OPCML: variants seen among roughly 807,000 people sequenced by gnomAD.
OPCML encodes the protein opioid binding protein/cell adhesion molecule like.
OPCML carries 13 observed loss-of-function variants against 37.8 expected under a neutral mutation model. That is an observed-to-expected ratio of 0.34 (90% CI 0.22 to 0.55). The LOEUF (loss-of-function observed/expected upper bound fraction) is 0.55, where lower values mean the gene tolerates loss of function less well. Ranked by LOEUF, OPCML falls within the 20% of genes least tolerant of loss-of-function variation. The pLI, the probability that OPCML is intolerant of heterozygous loss-of-function variation, is 0.91. For synonymous variants in OPCML, 176 were observed against 168.8 expected, an observed-to-expected ratio of 1.04 and a Z score of -0.33; for missense variants, 341 against 435.6, an observed-to-expected ratio of 0.78 and a Z score of 1.93.
chr11:133,011,312 G>A (rs141806702), intron 1 of OPCML, among the ~76,000 whole-genome samples: 2 of 152,322 alleles, frequency 1.3e-5, no homozygotes, highest in African/African-American at 4.8e-5. Flanking sequence ...CTTAGTCACA[G>A]TTATTCAGAA....
chr11:133,358,662 G>A (rs1437079064), intron 1 of OPCML, among the ~76,000 whole-genome samples: 4 of 152,188 alleles, frequency 2.6e-5, no homozygotes, highest in Non-Finnish European at 5.9e-5. Context: ...AATTGAGAGA[G>A]GTACAAATTG....
In OPCML at chr11:132,568,123, T is replaced by C. The variant is rs556969239; in HGVS notation, c.380-38937A>G. ...TTCCTATTAAGCACCAAAACGTATG[T>C]CATGGGTGTGCAAATACCAAGACAT... On this transcript the variant is annotated intron_variant, in intron 3 of 7. Transcript: ENST00000524381. Among the ~76,000 whole-genome samples, 5 of 152,102 alleles carry C rather than the reference T, an allele frequency of 3.3e-5. No homozygotes were observed. In the South Asian group the frequency reaches 1.0e-3, roughly 32 times the overall value.
chr11:133,310,194 T>C (rs566580155), intron 1 of OPCML, among the ~76,000 whole-genome samples: 11 of 152,210 alleles, frequency 7.2e-5, no homozygotes, highest in Non-Finnish European at 1.2e-4. Context: ...AAAAGGGGTA[T>C]GGCTTACTCA....
At chr11:132,826,481 G>A (rs999306273) in intron 2 of OPCML, among the ~76,000 whole-genome samples, 1 of 152,036 alleles carries the variant, frequency 6.6e-6, no homozygotes, top group Admixed American at 6.6e-5. Context: ...GATGCAAAGG[G>A]GCAGAGGTGA....
At chr11:133,049,363 C>T (rs979965808) in intron 1 of OPCML, among the ~76,000 whole-genome samples, 5 of 152,136 alleles carry the variant, frequency 3.3e-5, no homozygotes, top group Non-Finnish European at 5.9e-5. Flanking sequence ...TCTCTTATCG[C>T]GGGCAGCCTG....
At chr11:132,963,267 A>G (rs1946131677) in intron 1 of OPCML, among the ~76,000 whole-genome samples, 1 of 151,886 alleles carries the variant, frequency 6.6e-6, no homozygotes, top group Non-Finnish European at 1.5e-5. Context: ...CCTTGAACAC[A>G]ACAATCACTA....
At chr11:133,025,001 A>G in intron 1 of OPCML, 1 of 985,414 alleles carries the variant, frequency 1.0e-6, no homozygotes, top group Non-Finnish European at 1.2e-6. Flanking sequence ...GATAATTCTG[A>G]CACAGGAAGT....
At chr11:133,491,127 C>T (rs1947645603) in intron 1 of OPCML, among the ~76,000 whole-genome samples, 1 of 152,200 alleles carries the variant, frequency 6.6e-6, no homozygotes, top group Non-Finnish European at 1.5e-5. Flanking sequence ...GGTCAATGAA[C>T]TGGGTAAGGT....
intron 1 of OPCML, among the ~76,000 whole-genome samples, chr11:133,493,693 A>G (rs1302020285): frequency 2.0e-5 from 3 of 152,220 alleles, no homozygotes; most frequent in Non-Finnish European, 1.5e-5. Context: ...TAAAATCATA[A>G]AAATAAAATT....
intron 2 of OPCML, among the ~76,000 whole-genome samples, chr11:132,887,739 GT>G (rs1023027836): frequency 2.8e-4 from 43 of 152,338 alleles, no homozygotes; most frequent in African/African-American, 1.0e-3. Flanking sequence ...ATCAGAAATG[GT>G]TTAAGAGAGT....
At chr11:132,799,659 G>A (rs935886785) in intron 2 of OPCML, among the ~76,000 whole-genome samples, 1 of 151,530 alleles carries the variant, frequency 6.6e-6, no homozygotes, top group East Asian at 1.9e-4. Context: ...GACATTAAGC[G>A]AGCACATACT....
chr11:133,294,815 C>A (rs373261600), intron 1 of OPCML, among the ~76,000 whole-genome samples: 3 of 56,558 alleles, frequency 5.3e-5, no homozygotes, highest in East Asian at 7.7e-4. Flanking sequence ...TTCTTTCTTT[C>A]TTTTTTTTTT....
At chr11:132,552,497 GT>G (rs2096384106) in intron 3 of OPCML, among the ~76,000 whole-genome samples, 1 of 152,048 alleles carries the variant, frequency 6.6e-6, no homozygotes, top group Non-Finnish European at 1.5e-5. Context: ...TGTTGTTATT[GT>G]TTGTTTGTTT....
chr11:133,021,580 C>G (rs181813285), intron 1 of OPCML, among the ~76,000 whole-genome samples: 3 of 56,658 alleles, frequency 5.3e-5, no homozygotes, highest in African/African-American at 2.1e-4. Context: ...TCCTGTGCTA[C>G]GGGCAGGAGG....
At chr11:132,978,978 C>A (rs1335411919) in intron 1 of OPCML, among the ~76,000 whole-genome samples, 2 of 152,112 alleles carry the variant, frequency 1.3e-5, no homozygotes, top group African/African-American at 4.8e-5. Flanking sequence ...TCACAGCCCC[C>A]ACATGTTTCA....
chr11:132,583,461 GCTAA>G (rs2096466259), intron 3 of OPCML, among the ~76,000 whole-genome samples: 1 of 151,970 alleles, frequency 6.6e-6, no homozygotes, highest in Non-Finnish European at 1.5e-5. Flanking sequence ...ACTGTGCCAG[GCTAA>G]CTTTTTATTT....
intron 1 of OPCML, among the ~76,000 whole-genome samples, chr11:133,060,879 G>T (rs1240316536): frequency 6.6e-6 from 1 of 152,246 alleles, no homozygotes; most frequent in Non-Finnish European, 1.5e-5. Flanking sequence ...TGCCTCCAGG[G>T]CTGCAGAGAC....
intron 1 of OPCML, among the ~76,000 whole-genome samples, chr11:133,466,857 G>A (rs1163711772): frequency 6.6e-6 from 1 of 152,166 alleles, no homozygotes; most frequent in Non-Finnish European, 1.5e-5. Flanking sequence ...CCAAAGGAAT[G>A]TCTCATCTCA....
At chr11:132,647,017 CA>C (rs1164780774) in intron 3 of OPCML, among the ~76,000 whole-genome samples, 1 of 152,178 alleles carries the variant, frequency 6.6e-6, no homozygotes, top group Non-Finnish European at 1.5e-5. Flanking sequence ...GATTAGACTA[CA>C]ATGCCTTAAG....
Sources: allele counts gnomAD v4.1 joint callset (sites outside exome capture counted in the v4.1 genomes callset), GRCh38; gene constraint gnomAD v4.1.1; transcripts MANE v1.5; gene names NCBI Gene and HGNC (gene_info 2026-07-23, HGNC 2026-07-21).